KIAA1328: variants seen among roughly 807,000 people sequenced by gnomAD.
KIAA1328 encodes KIAA1328.
In KIAA1328, 52 loss-of-function variants were observed where a neutral mutation model predicts 68.1. The observed-to-expected ratio is 0.76, with a 90% CI of 0.61 to 0.96. The LOEUF is 0.96. KIAA1328 is among the 40% of genes least tolerant of loss of function. The pLI, the probability that KIAA1328 is intolerant of heterozygous loss-of-function variation, is 0.00. For synonymous variants in KIAA1328, 232 were observed against 239.4 expected (o/e 0.97, Z 0.28); for missense variants, 641 against 677.6 (o/e 0.95, Z 0.60).
chr18:37,044,723 C>G (rs1288381510), intron 6 of KIAA1328, among the ~76,000 whole-genome samples: 2 of 151,214 alleles, frequency 1.3e-5, no homozygotes, highest in Non-Finnish European at 2.9e-5. Flanking sequence ...TTTCTTAAAC[C>G]CAGAGGCAGA....
chr18:37,231,609 A>C (rs2060664202), downstream of KIAA1328: 1 of 152,372 alleles, frequency 6.6e-6, no homozygotes, highest in African/African-American at 2.4e-5. Flanking sequence ...GCCCTGTTCA[A>C]GATCTGACCA....
At chr18:37,021,927 C>T (rs1435047743) in intron 6 of KIAA1328, among the ~76,000 whole-genome samples, 2 of 152,032 alleles carry the variant, frequency 1.3e-5, no homozygotes, top group Admixed American at 6.6e-5. Flanking sequence ...GTAGTCCCAG[C>T]TACTCAGGAG....
At chr18:37,018,152 T>A (rs909968997) in intron 6 of KIAA1328, among the ~76,000 whole-genome samples, 1 of 152,182 alleles carries the variant, frequency 6.6e-6, no homozygotes, top group Non-Finnish European at 1.5e-5. Flanking sequence ...AAGGCTGGTC[T>A]AGTGGTAATG....
chr18:37,163,571 A>G (rs2059326598), intron 8 of KIAA1328, among the ~76,000 whole-genome samples: 2 of 152,118 alleles, frequency 1.3e-5, no homozygotes, highest in African/African-American at 4.8e-5. Context: ...TTTTTACTGG[A>G]AGATGATTAT....
chr18:36,838,837 T>A (rs1300610818), intron 3 of KIAA1328, among the ~76,000 whole-genome samples: 2 of 152,040 alleles, frequency 1.3e-5, no homozygotes, highest in African/African-American at 2.4e-5. Context: ...CAGGTTCAAG[T>A]GATTCTCCTA....
chr18:36,948,758 A>G (rs987257880), intron 5 of KIAA1328, among the ~76,000 whole-genome samples: 8 of 152,036 alleles, frequency 5.3e-5, no homozygotes, highest in South Asian at 4.2e-4. Context: ...CATGTTGGTC[A>G]GGCTGGTCTT....
intron 7 of KIAA1328, among the ~76,000 whole-genome samples, chr18:37,159,073 T>G (rs1299522061): frequency 6.6e-6 from 1 of 152,162 alleles, no homozygotes; most frequent in Non-Finnish European, 1.5e-5. Context: ...GAGTATCACT[T>G]TTATACATTT....
In KIAA1328 at chr18:37,182,264, ATTACT is replaced by A. The variant is rs373599518; in HGVS notation, c.1523+9187_1523+9191del. Among the ~76,000 whole-genome samples the A allele has an allele frequency of 6.5e-3, 990 of 152,290 alleles. 14 individuals carry two copies. Among genetic ancestry groups the A allele is most frequent in the African/African-American group, 0.022 (920 of 41,564 alleles). ...TAGGCACTTTAATGCTTTTATAAAA[ATTACT>A]TTATATGTTACCTAATGTAATCCTT... On this transcript the variant is annotated intron_variant, in intron 9 of 9. Coordinates refer to ENST00000280020, the MANE Select transcript of KIAA1328 (RefSeq NM_020776.3).
chr18:37,192,169 G>GTGTGTGTGTA (rs1249747710), intron 9 of KIAA1328, among the ~76,000 whole-genome samples: 2 of 151,596 alleles, frequency 1.3e-5, no homozygotes, highest in African/African-American at 2.4e-5. Context: ...GTGTGTGTGT[G>GTGTGTGTGTA]TGTGTGTATG....
chr18:37,063,798 AAT>A (rs1262819034), intron 6 of KIAA1328, among the ~76,000 whole-genome samples: 2 of 152,202 alleles, frequency 1.3e-5, no homozygotes, highest in Non-Finnish European at 2.9e-5. Flanking sequence ...GTAAGTGTAG[AAT>A]ATGTCAGTAC....
At chr18:37,187,291 G>A (rs2059822470) in intron 9 of KIAA1328, among the ~76,000 whole-genome samples, 1 of 152,144 alleles carries the variant, frequency 6.6e-6, no homozygotes, top group Non-Finnish European at 1.5e-5. Flanking sequence ...TACGTGAGAG[G>A]CTGTTTCTTC....
intron 6 of KIAA1328, among the ~76,000 whole-genome samples, chr18:36,973,145 T>TA (rs1172914112): frequency 6.6e-6 from 1 of 152,048 alleles, no homozygotes; most frequent in Non-Finnish European, 1.5e-5. Context: ...TACGCAGCCA[T>TA]AAAAAAGGAT....
At chr18:36,840,750 C>A (rs2046833638) in intron 3 of KIAA1328, among the ~76,000 whole-genome samples, 1 of 152,086 alleles carries the variant, frequency 6.6e-6, no homozygotes, top group Admixed American at 6.6e-5. Context: ...TGTGCCCAGC[C>A]ATCTTGTGAT....
intron 9 of KIAA1328, among the ~76,000 whole-genome samples, chr18:37,220,859 C>T (rs2060546794): frequency 6.6e-6 from 1 of 152,148 alleles, no homozygotes; most frequent in Non-Finnish European, 1.5e-5. Flanking sequence ...TGTTTGTTTG[C>T]TCTATTGCCC....
chr18:37,119,162 G>T (rs937162840), intron 7 of KIAA1328, among the ~76,000 whole-genome samples: 1 of 152,128 alleles, frequency 6.6e-6, no homozygotes, highest in East Asian at 1.9e-4. Context: ...AAAGTATTAT[G>T]TGCATAAAAG....
At chr18:37,039,419 AT>A (rs57874276) in intron 6 of KIAA1328, among the ~76,000 whole-genome samples, 105,429 of 145,214 alleles carry the variant, frequency 0.73, 40,925 homozygotes, top group South Asian at 0.88. Context: ...TTTGTTTTTA[AT>A]TTTTTTTTTT....
chr18:37,143,522 T>C (rs1683521), intron 7 of KIAA1328, among the ~76,000 whole-genome samples: 1 of 48,956 alleles, frequency 2.0e-5, no homozygotes, highest in Non-Finnish European at 4.1e-5. Context: ...TTTTTCTTTC[T>C]TTTTTTTTTT....
chr18:36,881,690 T>C (rs2048332997), intron 4 of KIAA1328, among the ~76,000 whole-genome samples: 1 of 152,208 alleles, frequency 6.6e-6, no homozygotes, highest in South Asian at 2.1e-4. Flanking sequence ...AGATATCTCA[T>C]AAAAATGGAA....
intron 5 of KIAA1328, among the ~76,000 whole-genome samples, chr18:36,956,247 CTTAT>C (rs1313204571): frequency 2.6e-5 from 4 of 152,134 alleles, no homozygotes; most frequent in African/African-American, 7.2e-5. Context: ...CTCATGAAGA[CTTAT>C]TTCTTTGAAA....
Sources: allele counts gnomAD v4.1 joint callset (sites outside exome capture counted in the v4.1 genomes callset), GRCh38; gene constraint gnomAD v4.1.1; transcripts MANE v1.5; gene names NCBI Gene and HGNC (gene_info 2026-07-23, HGNC 2026-07-21).